The following ADARB2 variants were observed in gnomAD, a reference collection of about 807,000 sequenced individuals.
ADARB2 encodes adenosine deaminase RNA specific B2 (inactive), also known as inactive double-stranded RNA-specific editase B2.
Under a neutral mutation model 62.2 loss-of-function variants are expected in ADARB2, and 25 were observed. The ratio of observed to expected loss-of-function variants is 0.40; its 90% confidence interval spans 0.29 to 0.56. The LOEUF (loss-of-function observed/expected upper bound fraction) is 0.56, where lower values mean the gene tolerates loss of function less well. Among genes scored for constraint, ADARB2 ranks in the 20% least tolerant of loss-of-function variants. The pLI is 0.43. For missense variants in ADARB2, 1,071 were observed against 1,077.4 expected, an observed-to-expected ratio of 0.99 and a Z score of 0.08; for synonymous variants, 572 against 500.8, an observed-to-expected ratio of 1.14 and a Z score of -1.90.
intron 1 of ADARB2, among the ~76,000 whole-genome samples, chr10:1,520,940 G>A (rs10508211): frequency 0.18 from 26,655 of 152,100 alleles, 2,776 homozygotes; most frequent in East Asian, 0.39. Flanking sequence ...CTCGATTTAC[G>A]CAGAAATGTT....
chr10:1,211,897 T>A (rs1303944512), intron 7 of ADARB2, among the ~76,000 whole-genome samples: 1 of 152,208 alleles, frequency 6.6e-6, no homozygotes, highest in Non-Finnish European at 1.5e-5. Context: ...AGTTCTAAGT[T>A]TATGTAATTT....
chr10:1,481,643 G>T (rs879883445), intron 1 of ADARB2, among the ~76,000 whole-genome samples: 1 of 152,074 alleles, frequency 6.6e-6, no homozygotes, highest in Non-Finnish European at 1.5e-5. Flanking sequence ...CGGATCACGA[G>T]GTCAGGAGTT....
At chr10:1,573,250 C>T (rs1281187138) in intron 1 of ADARB2, among the ~76,000 whole-genome samples, 1 of 152,160 alleles carries the variant, frequency 6.6e-6, no homozygotes, top group East Asian at 1.9e-4. Context: ...GGGCTCTCAG[C>T]TGGGAAAGGA....
rs116023142 is a variant in ADARB2, at chr10:1,330,402, T to G, written c.1077+32626A>C. Among the ~76,000 whole-genome samples the G allele has an allele frequency of 7.4e-3, 1,125 of 152,348 alleles. 19 individuals carry two copies. Among genetic ancestry groups the G allele is most frequent in the African/African-American group, 0.025 (1,028 of 41,580 alleles). The stretch of plus-strand genomic sequence containing the variant: ...AGGATCTATAAATCACTCTATTAAT[T>G]TGTAAAACATATACAAAAATATAAA... On this transcript the variant is annotated intron_variant, in intron 3 of 9. Coordinates refer to ENST00000381312, the MANE Select transcript of ADARB2 (RefSeq NM_018702.4).
intron 1 of ADARB2, 25 bp downstream of exon 1, chr10:1,737,026 G>T (rs772262684): frequency 6.2e-6 from 10 of 1,607,106 alleles, no homozygotes; most frequent in South Asian, 1.1e-5. Context: ...GGGGGGCAGG[G>T]GCCGGCGCGC....
intron 3 of ADARB2, among the ~76,000 whole-genome samples, chr10:1,332,184 G>A (rs1237660787): frequency 6.6e-6 from 1 of 152,212 alleles, no homozygotes; most frequent in African/African-American, 2.4e-5. Context: ...CAGGCAGACT[G>A]CCTGAGCCCA....
intron 1 of ADARB2, among the ~76,000 whole-genome samples, chr10:1,591,194 G>T (rs970753227): frequency 2.0e-5 from 3 of 152,206 alleles, no homozygotes; most frequent in African/African-American, 4.8e-5. Context: ...GCCTGAGTTT[G>T]ATGGGTGTGG....
At chr10:1,582,916 T>A (rs1236398244) in intron 1 of ADARB2, among the ~76,000 whole-genome samples, 3 of 152,218 alleles carry the variant, frequency 2.0e-5, no homozygotes, top group Non-Finnish European at 4.4e-5. Flanking sequence ...GATGAGCGTG[T>A]TAATGACACT....
chr10:1,578,741 C>T (rs1031769629), intron 1 of ADARB2, among the ~76,000 whole-genome samples: 12 of 17,878 alleles, frequency 6.7e-4, no homozygotes, highest in East Asian at 5.0e-3. Flanking sequence ...ACATTCACGC[C>T]GCACACAGGT....
At chr10:1,407,335 G>A (rs1437712722) in intron 1 of ADARB2, among the ~76,000 whole-genome samples, 3 of 152,206 alleles carry the variant, frequency 2.0e-5, no homozygotes, top group Non-Finnish European at 4.4e-5. Flanking sequence ...AAGGGGTCCC[G>A]GGTCCGACGT....
chr10:1,734,777 G>A (rs1025195614), intron 1 of ADARB2, among the ~76,000 whole-genome samples: 3 of 152,142 alleles, frequency 2.0e-5, no homozygotes, highest in African/African-American at 7.2e-5. Context: ...ATTTTAAATT[G>A]TGGCAAGTAT....
chr10:1,719,682 A>C (rs1482825998), intron 1 of ADARB2, among the ~76,000 whole-genome samples: 3 of 152,248 alleles, frequency 2.0e-5, no homozygotes, highest in Non-Finnish European at 1.5e-5. Context: ...AAGGAACCTA[A>C]ATAAATCAAC....
At chr10:1,304,845 C>A (rs1450699903) in intron 3 of ADARB2, among the ~76,000 whole-genome samples, 1 of 149,336 alleles carries the variant, frequency 6.7e-6, no homozygotes, top group Non-Finnish European at 1.5e-5. Flanking sequence ...AAAGACCCAA[C>A]ATACCAGAAT....
At chr10:1,294,771 G>A (rs1427963572) in intron 3 of ADARB2, among the ~76,000 whole-genome samples, 1 of 152,178 alleles carries the variant, frequency 6.6e-6, no homozygotes, top group African/African-American at 2.4e-5. Flanking sequence ...CTCCCCTGAT[G>A]CCAGCCCTAA....
intron 1 of ADARB2, among the ~76,000 whole-genome samples, chr10:1,614,803 C>G (rs967280790): frequency 1.5e-4 from 23 of 151,780 alleles, no homozygotes; most frequent in Admixed American, 1.2e-3. Flanking sequence ...CCCAGCTACT[C>G]GGGAGGCTGA....
At position 1,637,725 on chromosome 10, in the gene ADARB2, G is replaced by A. The variant is rs760581919; in HGVS notation, c.100+99326C>T. ...CCACTCTTAAACTGCAGTTTCATAC[G>A]ATGATGTATTAATCGCTCGCAATAA... On this transcript the variant is annotated intron_variant, in intron 1 of 9. Coordinates refer to ENST00000381312, the MANE Select transcript of ADARB2 (RefSeq NM_018702.4). 4.6e-5 allele frequency among the ~76,000 whole-genome samples: 7 copies of A among 152,228 alleles called. No homozygotes were observed. In the East Asian group the frequency reaches 7.7e-4, roughly 17 times the overall value.
At chr10:1,550,266 C>G (rs1268844708) in intron 1 of ADARB2, among the ~76,000 whole-genome samples, 1 of 152,158 alleles carries the variant, frequency 6.6e-6, no homozygotes, top group Non-Finnish European at 1.5e-5. Context: ...TTTTAAGCAC[C>G]TCCTTGTTGC....
intron 1 of ADARB2, among the ~76,000 whole-genome samples, chr10:1,544,960 C>T (rs1010666740): frequency 2.0e-5 from 3 of 151,148 alleles, no homozygotes; most frequent in South Asian, 2.1e-4. Flanking sequence ...AAAGTATACA[C>T]ACACACACAC....
chr10:1,258,731 A>G (rs1831104161), intron 4 of ADARB2, among the ~76,000 whole-genome samples: 1 of 152,222 alleles, frequency 6.6e-6, no homozygotes, highest in South Asian at 2.1e-4. Flanking sequence ...TCAACATTAG[A>G]CAGATCAACG....
Sources: allele counts gnomAD v4.1 joint callset (sites outside exome capture counted in the v4.1 genomes callset), GRCh38; gene constraint gnomAD v4.1.1; transcripts MANE v1.5; gene names NCBI Gene and HGNC (gene_info 2026-07-23, HGNC 2026-07-21).